The following DAB2IP variants were observed in gnomAD, a reference collection of about 807,000 sequenced individuals.
DAB2IP encodes DAB2 interacting protein, also known as disabled homolog 2-interacting protein.
In DAB2IP, 28 loss-of-function variants were observed where a neutral mutation model predicts 107.2. The ratio of observed to expected loss-of-function variants is 0.26; its 90% CI spans 0.19 to 0.36. The LOEUF is 0.36. Ranked by LOEUF, DAB2IP falls within the 10% of genes least tolerant of loss-of-function variation. The pLI is 1.00. For missense variants in DAB2IP, 1,400 were observed against 1,644.7 expected (o/e 0.85, Z 2.57); for synonymous variants, 755 against 706.4 (o/e 1.07, Z -1.09).
intron 3 of DAB2IP, among the ~76,000 whole-genome samples, chr9:121,712,666 G>A (rs1023608356): frequency 6.6e-5 from 10 of 152,174 alleles, no homozygotes; most frequent in African/African-American, 1.9e-4. Flanking sequence ...GTTGACATTG[G>A]GGAAAGTCCT....
At chr9:121,771,578 C>A (rs1197038135) in intron 11 of DAB2IP, among the ~76,000 whole-genome samples, 1 of 152,204 alleles carries the variant, frequency 6.6e-6, no homozygotes, top group African/African-American at 2.4e-5. Context: ...TGAAGACAAG[C>A]AGAGTCACAT....
chr9:121,606,287 C>T (rs912802827), intron 1 of DAB2IP, among the ~76,000 whole-genome samples: 1 of 152,134 alleles, frequency 6.6e-6, no homozygotes, highest in Admixed American at 6.6e-5. Context: ...TTGCTTGAAC[C>T]CAAGAGGTGG....
Position 121,630,694 on chromosome 9 carries a change from G to A in DAB2IP, c.41-47984G>A, listed in dbSNP as rs866521811. Among the ~76,000 whole-genome samples the A allele has an allele frequency of 5.0e-4, 76 of 151,122 alleles. No individual in the cohort carries two copies. In the Middle Eastern group the frequency reaches 0.014, roughly 27 times the overall value. Reference sequence around the variant, plus strand: ...GCAATCTTGGCTCACTGCAACCTCCGCCTCCCGGGTTCAAGCAATTCTCCT... The same window carrying A: ...GCAATCTTGGCTCACTGCAACCTCCACCTCCCGGGTTCAAGCAATTCTCCT... On this transcript the variant is annotated intron_variant, in intron 1 of 16. Coordinates refer to the DAB2IP transcript ENST00000259371.
chr9:121,606,409 T>C (rs1188086043), intron 1 of DAB2IP, among the ~76,000 whole-genome samples: 1 of 152,138 alleles, frequency 6.6e-6, no homozygotes, highest in Non-Finnish European at 1.5e-5. Flanking sequence ...AAAGCATTTA[T>C]ATCACACTTT....
At chr9:121,571,313 C>G (rs1402567985) in intron 1 of DAB2IP, among the ~76,000 whole-genome samples, 1 of 152,144 alleles carries the variant, frequency 6.6e-6, no homozygotes, top group Non-Finnish European at 1.5e-5. Context: ...GAGCATAGTT[C>G]TCCACCTGGC....
chr9:121,615,775 C>T (rs1368848656), intron 1 of DAB2IP, among the ~76,000 whole-genome samples: 1 of 151,958 alleles, frequency 6.6e-6, no homozygotes, highest in African/African-American at 2.4e-5. Flanking sequence ...TACAGGTGCG[C>T]ACCACCATGC....
chr9:121,692,301 G>GTGTATC (rs1829203988), intron 2 of DAB2IP, among the ~76,000 whole-genome samples: 1 of 152,138 alleles, frequency 6.6e-6, no homozygotes, highest in South Asian at 2.1e-4. Context: ...GCTGATCAAT[G>GTGTATC]TGTATGTGTT....
intron 2 of DAB2IP, among the ~76,000 whole-genome samples, chr9:121,682,790 C>T (rs1398529645): frequency 1.3e-5 from 2 of 152,196 alleles, no homozygotes; most frequent in Non-Finnish European, 2.9e-5. Flanking sequence ...CCCTGCACAG[C>T]CTCATACCAG....
chr9:121,775,956 G>C (rs1007336203), intron 13 of DAB2IP, among the ~76,000 whole-genome samples: 7 of 152,210 alleles, frequency 4.6e-5, no homozygotes, highest in African/African-American at 1.7e-4. Context: ...CCCCGCTGTA[G>C]CCATACAGGT....
intron 3 of DAB2IP, among the ~76,000 whole-genome samples, chr9:121,735,924 A>G (rs748541579): frequency 1.1e-4 from 17 of 152,146 alleles, no homozygotes; most frequent in Non-Finnish European, 1.5e-4. Flanking sequence ...TCTGGGCGCA[A>G]TCGGGAACCT....
At chr9:121,730,007 C>T (rs2118848575) in intron 3 of DAB2IP, among the ~76,000 whole-genome samples, 1 of 152,164 alleles carries the variant, frequency 6.6e-6, no homozygotes, top group Admixed American at 6.5e-5. Flanking sequence ...GAGCCTGGGG[C>T]CCAGAGGGGA....
chr9:121,599,397 C>A lies in DAB2IP; in HGVS notation c.40+32169C>A, dbSNP rs918675933. Among the ~76,000 whole-genome samples the A allele has an allele frequency of 6.6e-6, 1 of 152,052 alleles. No individual in the cohort carries two copies. The highest frequency in any genetic ancestry group is 2.4e-5 in the African/African-American group (1 of 41,438). ...CTGGGCGGGGCGGTGGTGGGGAGGT[C>A]GATTGACCAAACAGGTGCGCCCCCG... On this transcript the variant is annotated intron_variant, in intron 1 of 16. Coordinates refer to the DAB2IP transcript ENST00000259371. This position sits in a 1 kb window ranked among gnomAD's most constrained non-coding sequence, Gnocchi z 6.9.
rs1184717901 is a variant in DAB2IP at position 121,641,989 on chromosome 9, T to C, written c.41-36689T>C. On this transcript the variant is annotated intron_variant, in intron 1 of 16. Transcript: ENST00000259371. The stretch of plus-strand genomic sequence containing the variant: ...CTCTCTCTCTTTCTTTCTTTCTTTC[T>C]TTCCTTTCTCTCTCTCTCTCTCTCT... 3.1e-4 allele frequency among the ~76,000 whole-genome samples: 36 copies of C among 115,878 alleles called. 1 individual carries two copies. The highest frequency in any genetic ancestry group is 6.1e-4 in the Non-Finnish European group (33 of 54,454). The allele number at this position is 115,878 out of a possible 152,430, so 76.0% of individuals were successfully genotyped here. A position where few individuals can be genotyped will look rare whatever the true frequency, so the allele number is the denominator to read the frequency against.
chr9:121,583,776 C>T (rs1830255599), intron 1 of DAB2IP, among the ~76,000 whole-genome samples: 1 of 152,206 alleles, frequency 6.6e-6, no homozygotes, highest in South Asian at 2.1e-4. Context: ...CTGTCTAGGC[C>T]AGTGGTTTTC....
Position 121,769,897 on chromosome 9 carries a change from C to T in DAB2IP, c.1900-649C>T, listed in dbSNP as rs114148449. On this transcript the variant is annotated intron_variant, in intron 10 of 15. Transcript: ENST00000408936. ...AACTCAACTGTTTGCCTCTCAATTGCGTGCTCTATTGCCTGCATGAGTTTT... is the reference window on the plus strand; with the variant it reads ...AACTCAACTGTTTGCCTCTCAATTGTGTGCTCTATTGCCTGCATGAGTTTT... 8.7e-3 allele frequency among the ~76,000 whole-genome samples: 1,325 copies of T among 152,352 alleles called. 19 individuals are homozygous for T. The highest frequency in any genetic ancestry group is 0.03 in the African/African-American group (1,235 of 41,570).
chr9:121,593,509 C>T (rs1054102113), intron 1 of DAB2IP, among the ~76,000 whole-genome samples: 14 of 151,974 alleles, frequency 9.2e-5, no homozygotes, highest in African/African-American at 2.2e-4. Context: ...TGGGCTCAAG[C>T]GATCCTCCTG....
intron 3 of DAB2IP, among the ~76,000 whole-genome samples, chr9:121,713,018 C>T (rs2118785073): frequency 6.6e-6 from 1 of 152,332 alleles, no homozygotes; most frequent in African/African-American, 2.4e-5. Flanking sequence ...GAGGACAGTG[C>T]CAACTCTTGT....
chr9:121,687,895 G>A, intron 2 of DAB2IP, among the ~76,000 whole-genome samples: 1 of 152,136 alleles, frequency 6.6e-6, no homozygotes. Context: ...TTCATCTTAC[G>A]GACGAGGATG....
intron 1 of DAB2IP, among the ~76,000 whole-genome samples, chr9:121,614,109 G>A (rs1294745618): frequency 1.3e-5 from 2 of 152,166 alleles, no homozygotes; most frequent in Admixed American, 6.6e-5. Flanking sequence ...AAGGATACAA[G>A]ATAACCGGCT....
Sources: allele counts gnomAD v4.1 joint callset (sites outside exome capture counted in the v4.1 genomes callset), GRCh38; gene constraint gnomAD v4.1.1; non-coding constraint Gnocchi (gnomAD v3.1); transcripts MANE v1.5; gene names NCBI Gene and HGNC (gene_info 2026-07-23, HGNC 2026-07-21).